Variants in PRRC2B observed in about 807,000 individuals in gnomAD.
PRRC2B encodes protein PRRC2B.
A neutral mutation model predicts 242.3 loss-of-function variants in PRRC2B; 68 were observed. That is an observed-to-expected ratio of 0.28 (90% CI 0.23 to 0.34). The LOEUF (loss-of-function observed/expected upper bound fraction) is 0.34, where lower values mean the gene tolerates loss of function less well. Among genes scored for constraint, PRRC2B ranks in the 10% least tolerant of loss-of-function variants. The pLI is 1.00. For synonymous variants in PRRC2B, 1,228 were observed against 1,173.6 expected (o/e 1.05, Z -0.95); for missense variants, 2,835 against 2,954.8 (o/e 0.96, Z 0.94).
At chr9:131,395,159 G>T (rs1837012014) in intron 1 of PRRC2B, among the ~76,000 whole-genome samples, 1 of 151,974 alleles carries the variant, frequency 6.6e-6, no homozygotes, top group African/African-American at 2.4e-5. Flanking sequence ...TCAGTGGTGA[G>T]CTTGAAGGAA....
At chr9:131,458,954 C>T (rs1019786949) in intron 10 of PRRC2B, among the ~76,000 whole-genome samples, 1 of 152,146 alleles carries the variant, frequency 6.6e-6, no homozygotes, top group African/African-American at 2.4e-5. Context: ...TGTGACATAT[C>T]GTGCCTGGGG....
rs565751858 is a variant in PRRC2B, at chr9:131,387,189, C to T, written c.-56+13458C>T. On this transcript the variant is annotated intron_variant, in intron 1 of 1. Coordinates refer to the PRRC2B transcript ENST00000682525. ...GTTAATTTTGTATTTTTAGTAGAGA[C>T]GGGATTTCTCCATGTTGGTCAGGCT... Among the ~76,000 whole-genome samples, 33 of 150,138 alleles carry T rather than the reference C, an allele frequency of 2.2e-4. 2 individuals carry two copies. The highest frequency in any genetic ancestry group is 2.0e-3 in the Admixed American group (28 of 14,356).
At chr9:131,479,546 T>C (rs1300530913) in intron 19 of PRRC2B, among the ~76,000 whole-genome samples, 153 bp downstream of exon 19, 1 of 152,244 alleles carries the variant, frequency 6.6e-6, no homozygotes, top group African/African-American at 2.4e-5. Context: ...AGCTAGTCGC[T>C]GAATGCCGTC....
intron 1 of PRRC2B, among the ~76,000 whole-genome samples, chr9:131,387,592 AT>A (rs983864988): frequency 6.7e-6 from 1 of 149,984 alleles, no homozygotes; most frequent in African/African-American, 2.4e-5. Context: ...TCCCTGAGGG[AT>A]TTGCATCAAA....
At chr9:131,413,067 T>C (rs1228579774) in intron 1 of PRRC2B, among the ~76,000 whole-genome samples, 1 of 152,240 alleles carries the variant, frequency 6.6e-6, no homozygotes, top group Non-Finnish European at 1.5e-5. Context: ...ATCTGCTAGC[T>C]GTAATAAATA....
chr9:131,403,694 A>G (rs1252059319), intron 1 of PRRC2B, among the ~76,000 whole-genome samples: 1 of 151,416 alleles, frequency 6.6e-6, no homozygotes, highest in Middle Eastern at 3.2e-3. Flanking sequence ...ATTAAAAGCC[A>G]AGTGTTTGAA....
chr9:131,399,795 GTTATTTTTATAATTATAT>G (rs1564273555), intron 1 of PRRC2B, among the ~76,000 whole-genome samples: 4 of 151,992 alleles, frequency 2.6e-5, no homozygotes, highest in Non-Finnish European at 4.4e-5. Context: ...ATTCCTCTAC[GTTATTTTTATAATTATAT>G]AATTGCTATT....
chr9:131,443,374 G>C (rs1014109425), intron 5 of PRRC2B, among the ~76,000 whole-genome samples: 1 of 151,730 alleles, frequency 6.6e-6, no homozygotes, highest in Non-Finnish European at 1.5e-5. Context: ...CTGACCTCAT[G>C]ATCCGCCCGC....
intron 1 of PRRC2B, among the ~76,000 whole-genome samples, chr9:131,378,814 G>A (rs919534748): frequency 1.3e-5 from 2 of 152,126 alleles, no homozygotes; most frequent in African/African-American, 4.8e-5. Flanking sequence ...TGCCTCCCAT[G>A]TTTAAGTGAT....
chr9:131,388,955 C>T (rs1836862989), intron 1 of PRRC2B, among the ~76,000 whole-genome samples: 1 of 149,442 alleles, frequency 6.7e-6, no homozygotes, highest in African/African-American at 2.4e-5. Flanking sequence ...ATTCTCCTGC[C>T]TCGTCCTTCC....
In PRRC2B at chr9:131,429,143, C is replaced by T. The variant is rs571694961; in HGVS notation, c.-51-951C>T. On this transcript the variant is annotated intron_variant, in intron 1 of 31. Transcript: ENST00000683519. ...TGTGTTTTCAGTAGAGACAGGGTTT[C>T]GCCATGCTGGCCAGGCAGGTCTCGA... is the stretch of plus-strand genomic sequence containing the variant. Among the ~76,000 whole-genome samples, 4 of 152,274 alleles carry T rather than the reference C, an allele frequency of 2.6e-5. No individual in the cohort carries two copies. In the East Asian group the frequency reaches 7.7e-4, roughly 29 times the overall value.
At position 131,488,016 on chromosome 9, in the gene PRRC2B, C is replaced by G; in HGVS notation, c.6145C>G (p.Gln2049Glu). The G allele has an allele frequency of 1.9e-6, 3 of 1,612,474 alleles. No individual in the cohort carries two copies. Among genetic ancestry groups the G allele is most frequent in the South Asian group, 1.1e-5 (1 of 90,750 alleles). ...ACCCTACCAGCCCATGAGCGGGAACCAAGCCCTGGTCTACGAGGGCCAGCT... is the reference window on the plus strand; with the variant it reads ...ACCCTACCAGCCCATGAGCGGGAACGAAGCCCTGGTCTACGAGGGCCAGCT... ...GSPYQPMSGN[Q>E]ALVYEGQLSQ... Residue 2049 changes from glutamine to glutamate, a missense_variant, in exon 28 of 32, where the codon CAA becomes GAA. Transcript: ENST00000683519.
At chr9:131,451,077 T>G (rs1276940463) in intron 9 of PRRC2B, among the ~76,000 whole-genome samples, 5 of 152,212 alleles carry the variant, frequency 3.3e-5, no homozygotes, top group South Asian at 2.1e-4. Flanking sequence ...ACAATTTCAT[T>G]TTTTAAGGGT....
intron 11 of PRRC2B, among the ~76,000 whole-genome samples, chr9:131,461,151 G>A (rs1943230484): frequency 6.6e-6 from 1 of 151,932 alleles, no homozygotes; most frequent in Admixed American, 6.6e-5. Flanking sequence ...TACTCACTTG[G>A]TCAGTCTCCC....
At chr9:131,454,997 C>T in intron 9 of PRRC2B, 79 bp from the exon 10 acceptor site, 2 of 1,082,624 alleles carry the variant, frequency 1.8e-6, no homozygotes, top group Non-Finnish European at 2.8e-6. Context: ...ACTGGGATTA[C>T]AGGCATGAGC....
intron 13 of PRRC2B, among the ~76,000 whole-genome samples, 182 bp from the exon 14 acceptor site, chr9:131,470,606 T>G (rs1943514935): frequency 6.6e-6 from 1 of 152,012 alleles, no homozygotes; most frequent in Non-Finnish European, 1.5e-5. Context: ...GGACCTGAGC[T>G]TGCAAGCTGT....
chr9:131,391,771 C>T (rs1198704122), upstream of PRRC2B, among the ~76,000 whole-genome samples: 1 of 152,148 alleles, frequency 6.6e-6, no homozygotes, highest in Non-Finnish European at 1.5e-5. Context: ...GACAGAGTCT[C>T]TCTCTGTTGC....
Position 131,482,905 on chromosome 9 carries a change from A to G in PRRC2B, c.5371A>G (p.Lys1791Glu), listed in dbSNP as rs747697672. Residue 1791 changes from lysine to glutamate, a missense_variant and splice_region_variant, in exon 22 of 32, where the codon AAA (lysine) becomes GAA (glutamate). Transcript: ENST00000683519. This position sits in a 1 kb window ranked among gnomAD's most constrained non-coding sequence, Gnocchi z 5.2. The part of the protein sequence containing the change: ...VPPIEFGVSP[K>E]DSDFSLPPGS... ...ACCCATTGAATTTGGAGTCAGTCCAAAAGTGAGGCTTTGATTTGTTTTCTT... is the reference window on the plus strand; with the variant it reads ...ACCCATTGAATTTGGAGTCAGTCCAGAAGTGAGGCTTTGATTTGTTTTCTT... The G allele has an allele frequency of 2.2e-5, 36 of 1,604,194 alleles. No individual in the cohort carries two copies. In the South Asian group the frequency reaches 3.7e-4, roughly 16 times the overall value.
At chr9:131,448,116 G>T in intron 9 of PRRC2B, 1 of 240,928 alleles carries the variant, frequency 4.2e-6, no homozygotes, top group Non-Finnish European at 7.9e-6. Flanking sequence ...TGATCACTCA[G>T]GTTCAATAAG....
Sources: gnomAD v4.1 joint callset for allele counts (sites outside exome capture counted in the v4.1 genomes callset) on GRCh38, gnomAD v4.1.1 for gene constraint, Gnocchi (gnomAD v3.1) non-coding constraint, MANE v1.5 for transcripts, NCBI Gene and HGNC (gene_info 2026-07-23, HGNC 2026-07-21) for gene names.